The following SLC35E2B variants were observed in gnomAD, a reference collection of about 807,000 sequenced individuals.
SLC35E2B encodes the protein solute carrier family 35 member E2B, also known as solute carrier family 35, member E2B.
SLC35E2B carries 18 observed loss-of-function variants against 32.4 expected under a neutral mutation model. The observed-to-expected ratio is 0.56, with a 90% CI of 0.38 to 0.82. SLC35E2B has a LOEUF of 0.82. SLC35E2B is among the 40% of genes least tolerant of loss of function. The pLI, the probability that SLC35E2B is intolerant of heterozygous loss-of-function variation, is 0.00. For synonymous variants in SLC35E2B, 132 were observed against 209.1 expected (o/e 0.63, Z 3.18); for missense variants, 263 against 469.5 (o/e 0.56, Z 4.06).
intron 5 of SLC35E2B, chr1:1,672,513 C>A (rs954058204): frequency 2.0e-5 from 3 of 152,252 alleles, no homozygotes; most frequent in African/African-American, 7.2e-5. Flanking sequence ...GCTGGAAACT[C>A]TGGTTGAATC....
Position 1,671,645 on chromosome 1 carries a change from C to T in SLC35E2B, c.587-16G>A. The T allele has an allele frequency of 1.3e-6, 2 of 1,517,964 alleles. No homozygotes were observed. The highest frequency in any genetic ancestry group is 1.8e-6 in the Non-Finnish European group (2 of 1,128,200). 94.0% of individuals were successfully genotyped at this position (1,517,964 alleles called of 1,614,324 possible). A position where few individuals can be genotyped will look rare whatever the true frequency, so the allele number is the denominator to read the frequency against. On this transcript the variant is annotated splice_polypyrimidine_tract_variant and intron_variant, in intron 5 of 9. Transcript: ENST00000617444. ...ACCAGCAGCCCTGGCGAGAGGACAG[C>T]CCCTGTGAGTGGCTGACCCGCCGGG...
intron 2 of SLC35E2B, among the ~76,000 whole-genome samples, chr1:1,683,651 C>A (rs1643919248): frequency 1.3e-5 from 2 of 152,018 alleles, no homozygotes; most frequent in Non-Finnish European, 2.9e-5. Context: ...GGGTGGGGCT[C>A]AAAGCTCCCA....
intron 2 of SLC35E2B, among the ~76,000 whole-genome samples, chr1:1,681,072 G>A (rs1229666029): frequency 6.6e-6 from 1 of 152,118 alleles, no homozygotes; most frequent in African/African-American, 2.4e-5. Flanking sequence ...AGCCAGGCAG[G>A]AGCCACCCCT....
At position 1,664,271 on chromosome 1, in the gene SLC35E2B, T is replaced by C. The variant is rs1482001350; in HGVS notation, c.*1511A>G. On this transcript the variant is annotated 3_prime_UTR_variant, in exon 10 of 10. Coordinates refer to ENST00000617444, the MANE Select transcript of SLC35E2B (RefSeq NM_001290264.2). Reference sequence around the variant, plus strand: ...ACTTTTTTGAGTAGGTAGAAGTTAATGAGTCAGAATTATTGCTCTGTTTCT... The same window carrying C: ...ACTTTTTTGAGTAGGTAGAAGTTAACGAGTCAGAATTATTGCTCTGTTTCT... 60 of 868,300 alleles carry C rather than the reference T, an allele frequency of 6.9e-5. 3 individuals carry two copies. The highest frequency in any genetic ancestry group is 8.2e-5 in the Non-Finnish European group (59 of 721,972). The allele number at this position is 868,300 out of a possible 1,614,324, so 53.8% of individuals were successfully genotyped here.
At position 1,664,515 on chromosome 1, in the gene SLC35E2B, G is replaced by A. The variant is rs1429605438; in HGVS notation, c.*1267C>T. On this transcript the variant is annotated 3_prime_UTR_variant, in exon 10 of 10. Coordinates refer to ENST00000617444, the MANE Select transcript of SLC35E2B (RefSeq NM_001290264.2). ...CTGCACCGGGCATGGGAATCCGCCA[G>A]CTGCGAGATTGGGGGTAAAGAGCTC... 1 of 916,210 alleles carries A rather than the reference G, an allele frequency of 1.1e-6. No individual in the cohort carries two copies. Among genetic ancestry groups the A allele is most frequent in the Admixed American group, 6.6e-5 (1 of 15,144 alleles). 56.8% of individuals were successfully genotyped at this position (916,210 alleles called of 1,614,324 possible).
chr1:1,664,363 G>A lies in SLC35E2B; in HGVS notation c.*1419C>T, dbSNP rs554026543. ...AGGTGAGAAGCCAAATGGAAAGCCA[G>A]TGAAGTGACCATGGGTGCCAAAGGC... On this transcript the variant is annotated 3_prime_UTR_variant, in exon 10 of 10. Transcript: ENST00000617444. The A allele has an allele frequency of 1.1e-4, 104 of 950,618 alleles. 9 individuals are homozygous for A. In the South Asian group the frequency reaches 4.4e-3, roughly 40 times the overall value. 58.9% of individuals were successfully genotyped at this position (950,618 alleles called of 1,614,324 possible). A position where few individuals can be genotyped will look rare whatever the true frequency, so the allele number is the denominator to read the frequency against.
intron 5 of SLC35E2B, among the ~76,000 whole-genome samples, chr1:1,674,595 C>T (rs1643791095): frequency 6.9e-6 from 1 of 144,170 alleles, no homozygotes; most frequent in East Asian, 2.0e-4. Flanking sequence ...GCAGCCTGGG[C>T]GACAGAGCAA....
intron 5 of SLC35E2B, among the ~76,000 whole-genome samples, chr1:1,674,637 A>AAC (rs922605601): frequency 6.7e-6 from 1 of 150,142 alleles, no homozygotes; most frequent in Admixed American, 6.6e-5. Context: ...AAAAAACAAA[A>AAC]AAAAAAAAAC....
chr1:1,667,948 A>G (rs368438548), intron 9 of SLC35E2B, among the ~76,000 whole-genome samples: 26,966 of 150,162 alleles, frequency 0.18, 3,102 homozygotes, highest in Middle Eastern at 0.26. Context: ...CGGCTCCTGG[A>G]TTCAAGTGAT....
chr1:1,674,573 C>T (rs1250820574), intron 5 of SLC35E2B, among the ~76,000 whole-genome samples: 2 of 150,310 alleles, frequency 1.3e-5, no homozygotes, highest in African/African-American at 2.5e-5. Flanking sequence ...GTCGTGACCT[C>T]GCCACTGCAC....
chr1:1,685,871 G>A lies in SLC35E2B; in HGVS notation c.-148+5105C>T, dbSNP rs369579906. ...TCTTGAGACGGAGTCTCGCTCTGTC[G>A]CCCAGGCTGGAGTGCAATGGCGCGA... is the stretch of plus-strand genomic sequence containing the variant. On this transcript the variant is annotated intron_variant, in intron 2 of 9. Transcript: ENST00000617444. Among the ~76,000 whole-genome samples the A allele has an allele frequency of 1.1e-4, 17 of 152,214 alleles. 1 individual carries two copies. Among genetic ancestry groups the A allele is most frequent in the African/African-American group, 4.1e-4 (17 of 41,502 alleles).
At chr1:1,666,468 T>C (rs895428320) in intron 9 of SLC35E2B, among the ~76,000 whole-genome samples, 1 of 149,226 alleles carries the variant, frequency 6.7e-6, no homozygotes, top group African/African-American at 2.6e-5. Context: ...TCAAGTGATC[T>C]TCCCACCTGG....
At chr1:1,667,930 G>C (rs1296430998) in intron 9 of SLC35E2B, among the ~76,000 whole-genome samples, 2 of 150,624 alleles carry the variant, frequency 1.3e-5, no homozygotes, top group Non-Finnish European at 3.0e-5. Context: ...TCAACTCACT[G>C]TAACCTCCGG....
chr1:1,662,879 G>A lies in SLC35E2B; in HGVS notation c.*2903C>T, dbSNP rs905152897. 54 of 803,318 alleles carry A rather than the reference G, an allele frequency of 6.7e-5. 8 individuals are homozygous for A. Among genetic ancestry groups the A allele is most frequent in the African/African-American group, 8.9e-5 (5 of 56,234 alleles). 49.8% of individuals were successfully genotyped at this position (803,318 alleles called of 1,614,324 possible). A position where few individuals can be genotyped will look rare whatever the true frequency, so the allele number is the denominator to read the frequency against. On this transcript the variant is annotated 3_prime_UTR_variant, in exon 10 of 10. Transcript: ENST00000617444. ...CTGGTGTGTTCCTAGAAGCTCACCTGTGACAGTTCAACAAGAACTTACTAT... is the reference window on the plus strand; with the variant it reads ...CTGGTGTGTTCCTAGAAGCTCACCTATGACAGTTCAACAAGAACTTACTAT...
At chr1:1,674,642 A>AC (rs1643794358) in intron 5 of SLC35E2B, among the ~76,000 whole-genome samples, 1 of 151,442 alleles carries the variant, frequency 6.6e-6, no homozygotes, top group Non-Finnish European at 1.5e-5. Context: ...ACAAAAAAAA[A>AC]AAAACAAAAA....
intron 2 of SLC35E2B, among the ~76,000 whole-genome samples, chr1:1,682,118 C>G (rs1422888333): frequency 6.7e-6 from 1 of 148,642 alleles, no homozygotes; most frequent in Non-Finnish European, 1.5e-5. Context: ...CCTTGGCCTC[C>G]CATAGAACTG....
intron 7 of SLC35E2B, 99 bp from the exon 8 acceptor site, chr1:1,669,835 A>C: frequency 2.4e-6 from 3 of 1,254,124 alleles, no homozygotes; most frequent in African/African-American, 1.5e-5. Context: ...CCAGCCCAGA[A>C]GACGTTCATT....
At chr1:1,666,157 G>T in intron 9 of SLC35E2B, 138 bp from the exon 10 acceptor site, 1 of 1,073,880 alleles carries the variant, frequency 9.3e-7, no homozygotes, top group Non-Finnish European at 1.3e-6. Flanking sequence ...CAGCCCTGCG[G>T]CCAGCAGCTC....
chr1:1,671,468 CG>C, intron 6 of SLC35E2B, 40 bp downstream of exon 6: 2 of 1,390,718 alleles, frequency 1.4e-6, no homozygotes, highest in Non-Finnish European at 1.9e-6. Context: ...AGGTGAGCAC[CG>C]GGTCTCGTCC....
Sources: allele counts gnomAD v4.1 joint callset (sites outside exome capture counted in the v4.1 genomes callset), GRCh38; gene constraint gnomAD v4.1.1; transcripts MANE v1.5; gene names NCBI Gene and HGNC (gene_info 2026-07-23, HGNC 2026-07-21).